The following RELT variants were observed in gnomAD, a reference collection of about 807,000 sequenced individuals.
The protein encoded by RELT is RELT TNF receptor, also known as tumor necrosis factor receptor superfamily member 19L.
A neutral mutation model predicts 51.1 loss-of-function variants in RELT; 37 were observed. That is an observed-to-expected ratio of 0.72 (90% CI 0.56 to 0.95). RELT has a LOEUF of 0.95. Among genes scored for constraint, RELT ranks in the 40% least tolerant of loss-of-function variants. The pLI, the probability that RELT is intolerant of heterozygous loss-of-function variation, is 0.00. For synonymous variants in RELT, 241 were observed against 235.7 expected, an observed-to-expected ratio of 1.02 and a Z score of -0.21; for missense variants, 535 against 572.6, an observed-to-expected ratio of 0.93 and a Z score of 0.67.
At chr11:73,376,666 C>T (rs1038361523) in intron 1 of RELT, 167 bp downstream of exon 1, 2 of 152,004 alleles carry the variant, frequency 1.3e-5, no homozygotes, top group Non-Finnish European at 1.5e-5. Context: ...CTCCTCCCGC[C>T]TCGCGTCCTG....
chr11:73,393,109 G>A, intron 6 of RELT: 2 of 998,886 alleles, frequency 2.0e-6, no homozygotes, highest in Admixed American at 5.3e-5. Context: ...CATCTCCCAT[G>A]CTAGCACCCT....
At position 73,395,568 on chromosome 11, in the gene RELT, G is replaced by C. The variant is rs1171367187; in HGVS notation, c.*77G>C. On this transcript the variant is annotated 3_prime_UTR_variant, in exon 11 of 11. Coordinates refer to ENST00000064780, the MANE Select transcript of RELT (RefSeq NM_152222.2). ...GCTTCCTGGAGGAGGTGGAGCTGCAGCTGGGACTGTGAGGACCGAGAAGCA... is the reference window on the plus strand; with the variant it reads ...GCTTCCTGGAGGAGGTGGAGCTGCACCTGGGACTGTGAGGACCGAGAAGCA... The C allele has an allele frequency of 2.6e-6, 2 of 777,786 alleles. No homozygotes were observed. Among genetic ancestry groups the C allele is most frequent in the Non-Finnish European group, 4.8e-6 (2 of 416,666 alleles). 48.2% of individuals were successfully genotyped at this position (777,786 alleles called of 1,614,324 possible).
At chr11:73,392,975 C>CCCCAGGG (rs1415895765) in intron 6 of RELT, 3 of 999,216 alleles carry the variant, frequency 3.0e-6, no homozygotes, top group Non-Finnish European at 3.6e-6. Flanking sequence ...CCACCTTCAC[C>CCCCAGGG]CCCAGGGCCC....
chr11:73,386,393 T>C (rs376556010), intron 1 of RELT, among the ~76,000 whole-genome samples: 1 of 152,178 alleles, frequency 6.6e-6, no homozygotes, highest in South Asian at 2.1e-4. Context: ...CTAACTGTTT[T>C]TTTGGTCACG....
chr11:73,385,040 G>C (rs565840782), intron 1 of RELT, among the ~76,000 whole-genome samples: 1 of 152,114 alleles, frequency 6.6e-6, no homozygotes, highest in South Asian at 2.1e-4. Flanking sequence ...GGCGCGTCAC[G>C]ACGCCATCCT....
chr11:73,383,779 T>C (rs1267403615), intron 1 of RELT, among the ~76,000 whole-genome samples: 1 of 152,204 alleles, frequency 6.6e-6, no homozygotes, highest in African/African-American at 2.4e-5. Flanking sequence ...CAACCCAGGA[T>C]GAGGGCCCGG....
intron 1 of RELT, among the ~76,000 whole-genome samples, chr11:73,387,178 C>T (rs1425228689): frequency 4.6e-5 from 7 of 152,110 alleles, no homozygotes; most frequent in African/African-American, 1.2e-4. Flanking sequence ...CTCCTGACCT[C>T]GTGATCCACC....
intron 1 of RELT, among the ~76,000 whole-genome samples, chr11:73,386,049 C>G (rs577192063): frequency 6.6e-6 from 1 of 152,300 alleles, no homozygotes; most frequent in South Asian, 2.1e-4. Context: ...CAGAAATTCC[C>G]CAAAAACTTC....
chr11:73,386,883 C>T (rs1448610703), intron 1 of RELT, among the ~76,000 whole-genome samples: 2 of 151,854 alleles, frequency 1.3e-5, no homozygotes, highest in African/African-American at 4.8e-5. Flanking sequence ...ACCTTGGGGA[C>T]ATGGAGGGCT....
chr11:73,392,936 C>T, intron 6 of RELT: 33 of 1,013,762 alleles, frequency 3.3e-5, no homozygotes, highest in Non-Finnish European at 3.8e-5. Context: ...AGTTACAAGG[C>T]CTGGAACCGG....
Position 73,377,248 on chromosome 11 carries a change from C to A in RELT, c.-26+749C>A, listed in dbSNP as rs747040577. On this transcript the variant is annotated intron_variant, in intron 1 of 10. Transcript: ENST00000064780. The stretch of plus-strand genomic sequence containing the variant: ...CCGAGCTCGCTGGCGCCATGGTGTG[C>A]GTGTGGGGTCAAGTGGTGTCAGTGT... Among the ~76,000 whole-genome samples the A allele has an allele frequency of 2.0e-4, 27 of 133,132 alleles. No homozygotes were observed. The Middle Eastern group carries it at 0.014, about 71-fold the overall frequency. 87.3% of individuals were successfully genotyped at this position (133,132 alleles called of 152,430 possible). A position where few individuals can be genotyped will look rare whatever the true frequency, so the allele number is the denominator to read the frequency against.
In RELT at chr11:73,396,997, GT is replaced by G. The variant is rs1350618942; in HGVS notation, c.*1507del. 5 of 152,148 alleles carry G rather than the reference GT, an allele frequency of 3.3e-5. No individual in the cohort carries two copies. The highest frequency in any genetic ancestry group is 1.2e-4 in the African/African-American group (5 of 41,420). 9.4% of individuals were successfully genotyped at this position (152,148 alleles called of 1,614,324 possible). On this transcript the variant is annotated 3_prime_UTR_variant, in exon 11 of 11. Coordinates refer to ENST00000064780, the MANE Select transcript of RELT (RefSeq NM_152222.2). ...TTTCAATATAAAATCAGTATAAAAA[GT>G]GTGAATGAGCTGTTTTTGCTTTTGC...
At chr11:73,380,689 C>T (rs1219498245) in intron 1 of RELT, among the ~76,000 whole-genome samples, 1 of 152,216 alleles carries the variant, frequency 6.6e-6, no homozygotes, top group East Asian at 1.9e-4. Context: ...GGCTGGTCAG[C>T]ACCCAGTCTG....
In RELT at chr11:73,392,424, C is replaced by T. The variant is rs775696442; in HGVS notation, c.581C>T (p.Thr194Met). The change falls in exon 6 of 11, where the codon ACG becomes ATG. Residue 194 changes from threonine (T) to methionine (M), a missense_variant. By Grantham distance (81) the Thr-to-Met change is moderately conservative (BLOSUM62 -1). Coordinates refer to ENST00000064780, the MANE Select transcript of RELT (RefSeq NM_152222.2). ...CTCAAGCGGAAGGGCTACCACTGCA[C>T]GGCGCACAAGGAGGTCGGGCCCGGC... The part of the protein sequence containing the change: ...NLLKRKGYHC[T>M]AHKEVGPGPG... 28 of 1,613,462 alleles carry T rather than the reference C, an allele frequency of 1.7e-5. No homozygotes were observed. The highest frequency in any genetic ancestry group is 5.3e-5 in the African/African-American group (4 of 74,922).
In RELT at chr11:73,393,882, T is replaced by C. The variant is rs147675855; in HGVS notation, c.671T>C (p.Ile224Thr). 8.2e-4 allele frequency: 1,330 copies of C among 1,613,860 alleles called. 5 individuals are homozygous for C. Among genetic ancestry groups the C allele is most frequent in the Middle Eastern group, 1.2e-3 (7 of 6,062 alleles). ...YRTEDANEDT[I>T]GVLVRLITEK... Reference sequence around the variant, plus strand: ...ACTGAGGATGCCAATGAGGACACCATTGGGGTCCTGGTGCGCTTGATCACA... The same window carrying C: ...ACTGAGGATGCCAATGAGGACACCACTGGGGTCCTGGTGCGCTTGATCACA... The change falls in exon 7 of 11, where the codon ATT becomes ACT. Residue 224 changes from isoleucine to threonine, a missense_variant. By Grantham distance (89) the Ile-to-Thr change is moderately conservative. Transcript: ENST00000064780.
chr11:73,385,806 C>T (rs1866115150), intron 1 of RELT, among the ~76,000 whole-genome samples: 2 of 152,264 alleles, frequency 1.3e-5, no homozygotes, highest in East Asian at 3.9e-4. Flanking sequence ...GCGAGAGGAT[C>T]GCTTGAGCCC....
chr11:73,393,117 C>T (rs1455512003), intron 6 of RELT: 5 of 997,930 alleles, frequency 5.0e-6, no homozygotes, highest in East Asian at 1.0e-4. Flanking sequence ...ATGCTAGCAC[C>T]CTCGGCTGTC....
chr11:73,390,597 A>G lies in RELT; in HGVS notation c.92A>G (p.Gln31Arg). 6.2e-7 allele frequency: 1 copy of G among 1,613,942 alleles called. No homozygotes were observed. Among genetic ancestry groups the G allele is most frequent in the Non-Finnish European group, 8.5e-7 (1 of 1,179,992 alleles). The stretch of plus-strand genomic sequence containing the variant: ...ACCCTGACATCAACAACCCTTTGGC[A>G]GTGCCCACCTGGGGAGGAGCCCGAC... ...LATLTSTTLW[Q>R]CPPGEEPDLD... Residue 31 changes from glutamine (Q) to arginine (R), a missense_variant, in exon 3 of 11, where the codon CAG (glutamine) becomes CGG (arginine). Physicochemically the swap from Gln to Arg is conservative, Grantham distance 43 (BLOSUM62 1). Transcript: ENST00000064780.
At chr11:73,383,694 G>A (rs1045385302) in intron 1 of RELT, among the ~76,000 whole-genome samples, 3 of 152,182 alleles carry the variant, frequency 2.0e-5, no homozygotes, top group East Asian at 1.9e-4. Flanking sequence ...TGTGACCCCC[G>A]CCAGTGACCT....
Sources: allele counts gnomAD v4.1 joint callset (sites outside exome capture counted in the v4.1 genomes callset), GRCh38; gene constraint gnomAD v4.1.1; transcripts MANE v1.5; gene names NCBI Gene and HGNC (gene_info 2026-07-23, HGNC 2026-07-21).